VAV2: variants seen among roughly 807,000 people sequenced by gnomAD.
VAV2 encodes the protein vav guanine nucleotide exchange factor 2.
In VAV2, 67 loss-of-function variants were observed where a neutral mutation model predicts 132.5. The ratio of observed to expected loss-of-function variants is 0.51; its 90% confidence interval spans 0.42 to 0.62. The LOEUF is 0.62. Among genes scored for constraint, VAV2 ranks in the 20% least tolerant of loss-of-function variants. The pLI, the probability that VAV2 is intolerant of heterozygous loss-of-function variation, is 0.00. For missense variants in VAV2, 938 were observed against 1,153.6 expected (o/e 0.81, Z 2.71); for synonymous variants, 492 against 443.5 (o/e 1.11, Z -1.37).
intron 2 of VAV2, among the ~76,000 whole-genome samples, chr9:133,886,931 G>A (rs575213233): frequency 1.6e-4 from 24 of 152,214 alleles, no homozygotes; most frequent in Non-Finnish European, 3.2e-4. Context: ...AGGCCCAGGG[G>A]CAGAGGCGGC....
rs1159830433 is a variant in VAV2 at position 133,895,949 on chromosome 9, TA to T, written c.322-34518del. 6.1e-5 allele frequency among the ~76,000 whole-genome samples: 5 copies of T among 81,932 alleles called. 1 individual carries two copies. Among genetic ancestry groups the T allele is most frequent in the East Asian group, 2.9e-4 (1 of 3,426 alleles). 53.8% of individuals were successfully genotyped at this position (81,932 alleles called of 152,430 possible). A position where few individuals can be genotyped will look rare whatever the true frequency, so the allele number is the denominator to read the frequency against. ...AAATCTTTTTTTTTTTTTTTTTTTT[TA>T]ATTGATCATTCTTGGGTGTTTCTCG... On this transcript the variant is annotated intron_variant, in intron 2 of 29. Transcript: ENST00000371850.
chr9:133,973,175 G>T (rs1842396258), intron 1 of VAV2, among the ~76,000 whole-genome samples: 1 of 152,078 alleles, frequency 6.6e-6, no homozygotes, highest in Non-Finnish European at 1.5e-5. Flanking sequence ...AAGCCCCCCT[G>T]TCTGCACACA....
At position 133,978,168 on chromosome 9, in the gene VAV2, G is replaced by A. The variant is rs569549703; in HGVS notation, c.204+13907C>T. ...AGGGCTGGGCAGGGCTGGGGAAACTGCCCTCCCTGGCCCGCCGGCCAGAGG... is the reference window on the plus strand; with the variant it reads ...AGGGCTGGGCAGGGCTGGGGAAACTACCCTCCCTGGCCCGCCGGCCAGAGG... On this transcript the variant is annotated intron_variant, in intron 1 of 29. Coordinates refer to ENST00000371850, the MANE Select transcript of VAV2 (RefSeq NM_001134398.2). 2.2e-3 allele frequency among the ~76,000 whole-genome samples: 341 copies of A among 152,314 alleles called. 3 individuals are homozygous for A. The highest frequency in any genetic ancestry group is 7.4e-3 in the African/African-American group (309 of 41,568).
intron 2 of VAV2, among the ~76,000 whole-genome samples, chr9:133,881,637 C>T (rs555335853): frequency 1.3e-5 from 2 of 152,348 alleles, no homozygotes; most frequent in South Asian, 2.1e-4. Context: ...TGGAAACCGC[C>T]GAGGTCCCAG....
At chr9:133,872,040 C>T (rs1465000941) in intron 2 of VAV2, among the ~76,000 whole-genome samples, 2 of 152,256 alleles carry the variant, frequency 1.3e-5, no homozygotes, top group Admixed American at 1.3e-4. Context: ...GGAATCACAT[C>T]CAGGACTCTC....
chr9:133,905,878 A>C (rs1224897695), intron 2 of VAV2, among the ~76,000 whole-genome samples: 1 of 152,066 alleles, frequency 6.6e-6, no homozygotes, highest in Non-Finnish European at 1.5e-5. Flanking sequence ...CTCTACAAAA[A>C]AAAATACAGA....
chr9:133,830,064 G>T (rs376149118), intron 4 of VAV2, among the ~76,000 whole-genome samples: 10 of 152,294 alleles, frequency 6.6e-5, no homozygotes, highest in African/African-American at 2.4e-4. Context: ...CACTCACACG[G>T]TGCCCCTCGC....
rs1838586010 is a variant in VAV2 at position 133,883,591 on chromosome 9, G to GGCAGGCAGGCGGCCCAGCA, written c.322-22178_322-22160dup. Among the ~76,000 whole-genome samples the GGCAGGCAGGCGGCCCAGCA allele has an allele frequency of 6.6e-6, 1 of 152,200 alleles. No individual in the cohort carries two copies. The highest frequency in any genetic ancestry group is 6.5e-5 in the Admixed American group (1 of 15,278). ...AGACTCCCAAGTCATCCCCAGCCAC[G>GGCAGGCAGGCGGCCCAGCA]GCAGGCAGGCGGCCCAGCAGCAGGC... On this transcript the variant is annotated intron_variant, in intron 2 of 29. Coordinates refer to ENST00000371850, the MANE Select transcript of VAV2 (RefSeq NM_001134398.2). The surrounding 1 kb of genome is among the most constrained non-coding windows in gnomAD (Gnocchi z 4.2).
chr9:133,951,124 C>G (rs943300210), intron 1 of VAV2, among the ~76,000 whole-genome samples: 2 of 152,172 alleles, frequency 1.3e-5, no homozygotes, highest in East Asian at 1.9e-4. Context: ...GCTTCCCAAG[C>G]AGGGGGGTAA....
intron 5 of VAV2, among the ~76,000 whole-genome samples, chr9:133,810,680 C>G (rs1464035608): frequency 1.3e-5 from 2 of 152,210 alleles, no homozygotes; most frequent in African/African-American, 4.8e-5. Flanking sequence ...TGTTCCCCAG[C>G]CTGGCAGGTT....
At chr9:133,881,176 C>T (rs916042700) in intron 2 of VAV2, among the ~76,000 whole-genome samples, 1 of 152,232 alleles carries the variant, frequency 6.6e-6, no homozygotes, top group East Asian at 1.9e-4. Context: ...GGGCTTCCCA[C>T]CATACGACCC....
chr9:133,799,335 T>C (rs56683818), intron 9 of VAV2, among the ~76,000 whole-genome samples: 45,283 of 152,084 alleles, frequency 0.3, 8,693 homozygotes, highest in African/African-American at 0.55. Context: ...CTCCCAGCGC[T>C]GCGCGTGGGG....
chr9:133,802,534 C>T lies in VAV2; in HGVS notation c.836+3547G>A, dbSNP rs572642736. On this transcript the variant is annotated intron_variant, in intron 9 of 29. Transcript: ENST00000371850. This position sits in a 1 kb window ranked among gnomAD's most constrained non-coding sequence, Gnocchi z 5.8. The stretch of plus-strand genomic sequence containing the variant: ...GGTCACCTTGCAAGGCACGGCCCGC[C>T]GTGTCCAGCATCCTGCCCGACCTCC... Among the ~76,000 whole-genome samples the T allele has an allele frequency of 2.0e-5, 3 of 152,298 alleles. No individual in the cohort carries two copies. The highest frequency in any genetic ancestry group is 4.8e-5 in the African/African-American group (2 of 41,560).
At chr9:133,971,862 T>C (rs752292080) in intron 1 of VAV2, among the ~76,000 whole-genome samples, 5 of 152,110 alleles carry the variant, frequency 3.3e-5, no homozygotes, top group Non-Finnish European at 5.9e-5. Context: ...AGCATCCCCG[T>C]AGAGTGCACA....
intron 1 of VAV2, among the ~76,000 whole-genome samples, chr9:133,947,416 G>C (rs1037977653): frequency 6.6e-6 from 1 of 152,156 alleles, no homozygotes; most frequent in African/African-American, 2.4e-5. Flanking sequence ...AAACTGGTCT[G>C]TCGTTGGGCG....
intron 3 of VAV2, among the ~76,000 whole-genome samples, chr9:133,841,321 C>G (rs963703255): frequency 5.3e-5 from 8 of 151,938 alleles, no homozygotes; most frequent in African/African-American, 1.9e-4. Context: ...GCTTCAAAAC[C>G]ATCTCGGATG....
At chr9:133,966,512 C>A (rs951863262) in intron 1 of VAV2, among the ~76,000 whole-genome samples, 4 of 152,180 alleles carry the variant, frequency 2.6e-5, no homozygotes, top group African/African-American at 9.7e-5. Context: ...TCGAGACTGG[C>A]CTGTGCAATA....
rs900014749 is a variant in VAV2, at chr9:133,991,362, G to A, written c.204+713C>T. ...TGCCTGGCCCTGCGGCCGCACGCGT[G>A]CCTCCGCCGCGACAAAGGCCACACT... On this transcript the variant is annotated intron_variant, in intron 1 of 29. Coordinates refer to ENST00000371850, the MANE Select transcript of VAV2 (RefSeq NM_001134398.2). This position sits in a 1 kb window ranked among gnomAD's most constrained non-coding sequence, Gnocchi z 4.8. Among the ~76,000 whole-genome samples the A allele has an allele frequency of 2.6e-5, 4 of 152,202 alleles. No individual in the cohort carries two copies. The highest frequency in any genetic ancestry group is 6.5e-5 in the Admixed American group (1 of 15,286).
chr9:133,967,352 T>G (rs115784928), intron 1 of VAV2, among the ~76,000 whole-genome samples: 1,581 of 151,988 alleles, frequency 0.01, 21 homozygotes, highest in African/African-American at 0.036. Context: ...GTACAGAGGG[T>G]CCTCAAAAAA....
Sources: allele counts gnomAD v4.1 joint callset (sites outside exome capture counted in the v4.1 genomes callset), GRCh38; gene constraint gnomAD v4.1.1; non-coding constraint Gnocchi (gnomAD v3.1); transcripts MANE v1.5; gene names NCBI Gene and HGNC (gene_info 2026-07-23, HGNC 2026-07-21).